The following LRFN2 variants were observed in gnomAD, a reference collection of about 807,000 sequenced individuals.
The protein encoded by LRFN2 is leucine-rich repeat and fibronectin type-III domain-containing protein 2.
A neutral mutation model predicts 37.3 loss-of-function variants in LRFN2; 18 were observed. That is an observed-to-expected ratio of 0.48 (90% CI 0.33 to 0.72). LRFN2 has a LOEUF of 0.72. Ranked by LOEUF, LRFN2 falls within the 30% of genes least tolerant of loss-of-function variation. LRFN2 has a pLI of 0.02. For synonymous variants in LRFN2, 556 were observed against 466.6 expected (o/e 1.19, Z -2.47); for missense variants, 1,006 against 1,060.7 (o/e 0.95, Z 0.72).
At chr6:40,522,106 C>T (rs1766092272) in intron 1 of LRFN2, among the ~76,000 whole-genome samples, 1 of 152,130 alleles carries the variant, frequency 6.6e-6, no homozygotes, top group East Asian at 1.9e-4. Context: ...GTGCTGCCAG[C>T]TGCAAGGCAT....
At chr6:40,442,820 G>T (rs1359007737) in intron 1 of LRFN2, among the ~76,000 whole-genome samples, 1 of 152,126 alleles carries the variant, frequency 6.6e-6, no homozygotes, top group Non-Finnish European at 1.5e-5. Flanking sequence ...TGGTCTCCCT[G>T]AACACCCCTC....
At position 40,496,854 on chromosome 6, in the gene LRFN2, T is replaced by A. The variant is rs144783794; in HGVS notation, c.-18-63723A>T. On this transcript the variant is annotated intron_variant, in intron 1 of 2. Coordinates refer to ENST00000338305, the MANE Select transcript of LRFN2 (RefSeq NM_020737.3). ...CAGCATTTCAAAAGCACCTGGCACA[T>A]AGTAGGTGCTTATTAAAAGGACCTA... Among the ~76,000 whole-genome samples the A allele has an allele frequency of 2.0e-4, 31 of 152,276 alleles. No homozygotes were observed. In the East Asian group the frequency reaches 5.6e-3, roughly 28 times the overall value.
rs773659615 is a variant in LRFN2 at position 40,392,205 on chromosome 6, G to T, written c.2108C>A (p.Ala703Glu). The T allele has an allele frequency of 1.9e-6, 3 of 1,570,344 alleles. No individual in the cohort carries two copies. The highest frequency in any genetic ancestry group is 2.6e-6 in the Non-Finnish European group (3 of 1,158,822). The stretch of plus-strand genomic sequence containing the variant: ...GGGGAGCAGGCTCCTGGCCCGGGCC[G>T]CAGGGGGCCCCAGCAGTGGCTCTCG... ...SDREPLLGPP[A>E]ARARSLLPLP... The change falls in exon 3 of 3, where the codon GCG becomes GAG. Residue 703 changes from alanine (A) to glutamate (E), a missense_variant. Ala to Glu is a moderately radical substitution (Grantham distance 107). Transcript: ENST00000338305. This position sits in a 1 kb window ranked among gnomAD's most constrained non-coding sequence, Gnocchi z 4.7.
chr6:40,429,062 C>A (rs1326712584), intron 2 of LRFN2, among the ~76,000 whole-genome samples: 2 of 152,132 alleles, frequency 1.3e-5, no homozygotes, highest in African/African-American at 4.8e-5. Flanking sequence ...GGAGGATTTC[C>A]ACACTGTATC....
intron 1 of LRFN2, among the ~76,000 whole-genome samples, chr6:40,557,564 A>G (rs1766913479): frequency 6.6e-6 from 1 of 152,198 alleles, no homozygotes; most frequent in South Asian, 2.1e-4. Flanking sequence ...CCTGAAGGCC[A>G]GTAGGATACC....
intron 1 of LRFN2, among the ~76,000 whole-genome samples, chr6:40,500,418 G>A (rs1391941386): frequency 1.3e-5 from 2 of 152,350 alleles, no homozygotes; most frequent in East Asian, 3.9e-4. Flanking sequence ...AGGGGCAGGC[G>A]GCTAATAGCT....
Position 40,546,605 on chromosome 6 carries a change from T to TC in LRFN2, c.-19+40335dup, listed in dbSNP as rs569908975. Among the ~76,000 whole-genome samples the TC allele has an allele frequency of 2.4e-3, 368 of 152,216 alleles. 3 individuals carry two copies. Among genetic ancestry groups the TC allele is most frequent in the African/African-American group, 8.3e-3 (344 of 41,524 alleles). The stretch of plus-strand genomic sequence containing the variant: ...AAGGTGAGATTCACTGACTTTGGAG[T>TC]CCAGCTGGATTCAAATCCCAGCTCT... On this transcript the variant is annotated intron_variant, in intron 1 of 2. Coordinates refer to ENST00000338305, the MANE Select transcript of LRFN2 (RefSeq NM_020737.3).
intron 2 of LRFN2, among the ~76,000 whole-genome samples, chr6:40,408,298 G>A (rs1044217315): frequency 4.6e-5 from 7 of 152,196 alleles, no homozygotes; most frequent in Non-Finnish European, 1.0e-4. Context: ...GCAGGAAGAG[G>A]AGAGGTTGTT....
intron 1 of LRFN2, among the ~76,000 whole-genome samples, chr6:40,509,167 T>A (rs1232600543): frequency 6.6e-6 from 1 of 152,240 alleles, no homozygotes; most frequent in African/African-American, 2.4e-5. Flanking sequence ...TAGCCAAGGA[T>A]GACACACTCC....
At chr6:40,515,439 G>C (rs1408118885) in intron 1 of LRFN2, among the ~76,000 whole-genome samples, 2 of 152,212 alleles carry the variant, frequency 1.3e-5, no homozygotes, top group Admixed American at 1.3e-4. Context: ...TTGAATCCCA[G>C]TGTTGCAGAT....
Position 40,391,634 on chromosome 6 carries a change from C to T in LRFN2, c.*309G>A. On this transcript the variant is annotated 3_prime_UTR_variant, in exon 3 of 3. Coordinates refer to ENST00000338305, the MANE Select transcript of LRFN2 (RefSeq NM_020737.3). ...TAAGAAATAAAAACAACACTAGACC[C>T]ATAAGCAATCCAAAGCCGCTTGCTT... 3.4e-6 allele frequency: 1 copy of T among 296,712 alleles called. No individual in the cohort carries two copies. The highest frequency in any genetic ancestry group is 5.8e-5 in the East Asian group (1 of 17,248). 18.4% of individuals were successfully genotyped at this position (296,712 alleles called of 1,614,324 possible).
chr6:40,528,602 T>C (rs2436739), intron 1 of LRFN2, among the ~76,000 whole-genome samples: 5,252 of 152,310 alleles, frequency 0.034, 313 homozygotes, highest in African/African-American at 0.12. Flanking sequence ...ACAGATGCTT[T>C]TTGACTTCCG....
chr6:40,428,489 C>T (rs879439930), intron 2 of LRFN2, among the ~76,000 whole-genome samples: 39 of 152,128 alleles, frequency 2.6e-4, no homozygotes, highest in Non-Finnish European at 4.9e-4. Flanking sequence ...CTAATGAGGA[C>T]AATTCATTTT....
chr6:40,468,224 T>C (rs1184579619), intron 1 of LRFN2, among the ~76,000 whole-genome samples: 3 of 152,060 alleles, frequency 2.0e-5, no homozygotes, highest in Non-Finnish European at 4.4e-5. Flanking sequence ...AACAAGTCCT[T>C]GGCCCTCACT....
rs549951861 is a variant in LRFN2, at chr6:40,442,525, A to G, written c.-18-9394T>C. Among the ~76,000 whole-genome samples the G allele has an allele frequency of 2.9e-4, 43 of 150,728 alleles. 1 individual carries two copies. In the South Asian group the frequency reaches 9.1e-3, roughly 32 times the overall value. On this transcript the variant is annotated intron_variant, in intron 1 of 2. Transcript: ENST00000338305. ...GGGCTGAGTCTCCCCTCAGACTGGG[A>G]CCCTCTGAGGGTGGAGCTGGGGCTC...
chr6:40,447,313 C>T (rs1389605104), intron 1 of LRFN2, among the ~76,000 whole-genome samples: 3 of 152,204 alleles, frequency 2.0e-5, no homozygotes, highest in Non-Finnish European at 4.4e-5. Context: ...TAAATGAGGA[C>T]ATTAATTACC....
At chr6:40,461,691 C>T (rs558957374) in intron 1 of LRFN2, among the ~76,000 whole-genome samples, 15 of 146,252 alleles carry the variant, frequency 1.0e-4, no homozygotes, top group African/African-American at 3.6e-4. Context: ...GTGGTAAGTG[C>T]TAAGGAGAAA....
chr6:40,431,866 C>A lies in LRFN2; in HGVS notation c.1248G>T (p.Glu416Asp). Residue 416 changes from glutamate to aspartate, a missense_variant, in exon 2 of 3, where the codon GAG (glutamate) becomes GAT (aspartate). Glu to Asp is a conservative substitution (Grantham distance 45). This residue lies in a region of LRFN2 where 303 missense variants were observed against 299.8 expected (regional missense o/e 1.01). Transcript: ENST00000338305. ...SRGGGGSGGG[E>D]PPKSPPERAV... Reference sequence around the variant, plus strand: ...CCCGTTCCGGGGGGCTTTTGGGAGGCTCTCCGCCCCCACTGCCTCCACCTC... The same window carrying A: ...CCCGTTCCGGGGGGCTTTTGGGAGGATCTCCGCCCCCACTGCCTCCACCTC... 1 of 1,596,562 alleles carries A rather than the reference C, an allele frequency of 6.3e-7. No homozygotes were observed. The highest frequency in any genetic ancestry group is 1.1e-5 in the South Asian group (1 of 87,886).
At chr6:40,583,405 A>G (rs1459779698) in intron 1 of LRFN2, among the ~76,000 whole-genome samples, 1 of 152,022 alleles carries the variant, frequency 6.6e-6, no homozygotes, top group African/African-American at 2.4e-5. Flanking sequence ...CAGGTTCTTA[A>G]CACCCCTTTT....
Sources: allele counts gnomAD v4.1 joint callset (sites outside exome capture counted in the v4.1 genomes callset), GRCh38; gene constraint gnomAD v4.1.1; regional missense constraint gnomAD v4.1.1; non-coding constraint Gnocchi (gnomAD v3.1); transcripts MANE v1.5; gene names NCBI Gene and HGNC (gene_info 2026-07-23, HGNC 2026-07-21).